MEIS2: variants seen among roughly 807,000 people sequenced by gnomAD.
MEIS2 encodes the protein homeobox protein Meis2.
Under a neutral mutation model 58.6 loss-of-function variants are expected in MEIS2, and 9 were observed. That is an observed-to-expected ratio of 0.15 (90% CI 0.09 to 0.27). The LOEUF (loss-of-function observed/expected upper bound fraction) is 0.27, where lower values mean the gene tolerates loss of function less well. Among genes scored for constraint, MEIS2 ranks in the 10% least tolerant of loss-of-function variants. The pLI is 1.00. For missense variants in MEIS2, 427 were observed against 635.0 expected, an observed-to-expected ratio of 0.67 and a Z score of 3.52; for synonymous variants, 221 against 228.4, an observed-to-expected ratio of 0.97 and a Z score of 0.29.
At chr15:36,994,632 A>G (rs1187607221) in intron 8 of MEIS2, among the ~76,000 whole-genome samples, 2 of 152,234 alleles carry the variant, frequency 1.3e-5, no homozygotes, top group East Asian at 3.8e-4. Context: ...ATTATATTAT[A>G]TCAAAAATCC....
At chr15:36,991,783 C>CT (rs11285545) in intron 8 of MEIS2, among the ~76,000 whole-genome samples, 14,127 of 49,918 alleles carry the variant, frequency 0.28, 3,051 homozygotes, top group Non-Finnish European at 0.33. Flanking sequence ...TTTTTTTTTT[C>CT]TTTTTTTTTT....
intron 9 of MEIS2, among the ~76,000 whole-genome samples, chr15:36,919,593 AAT>A (rs1323262392): frequency 3.3e-5 from 5 of 150,850 alleles, no homozygotes; most frequent in Admixed American, 2.0e-4. Context: ...AAAAAAAAAA[AAT>A]TGGAAACAGT....
chr15:37,096,469 C>A, intron 2 of MEIS2, 39 bp from the exon 3 acceptor site: 1 of 1,600,668 alleles, frequency 6.2e-7, no homozygotes, highest in Non-Finnish European at 8.5e-7. Flanking sequence ...CACACAGAGA[C>A]GGGGTGCAGA....
At chr15:36,895,375 C>A in intron 10 of MEIS2, 114 bp from the exon 11 acceptor site, 1 of 832,282 alleles carries the variant, frequency 1.2e-6, no homozygotes. Flanking sequence ...GGTTGGCACT[C>A]TACAAATGGG....
intron 9 of MEIS2, among the ~76,000 whole-genome samples, chr15:36,916,031 T>A (rs2057260251): frequency 6.6e-6 from 1 of 152,194 alleles, no homozygotes; most frequent in African/African-American, 2.4e-5. Context: ...TGGTAGCTAA[T>A]GTATATTTTA....
chr15:36,894,551 G>A (rs1234107973), intron 11 of MEIS2: 1 of 529,206 alleles, frequency 1.9e-6, no homozygotes, highest in East Asian at 3.6e-5. Flanking sequence ...GCACATCAGT[G>A]TCATCTGTGA....
intron 7 of MEIS2, among the ~76,000 whole-genome samples, chr15:37,058,004 G>A (rs990399865): frequency 2.6e-5 from 4 of 152,138 alleles, no homozygotes; most frequent in South Asian, 2.1e-4. Flanking sequence ...CACATGTACC[G>A]GGGATCAATG....
intron 9 of MEIS2, among the ~76,000 whole-genome samples, chr15:36,928,002 A>G (rs1443255427): frequency 6.6e-6 from 1 of 152,184 alleles, no homozygotes; most frequent in Non-Finnish European, 1.5e-5. Flanking sequence ...TTTCATGACC[A>G]TTTTGCTGTG....
In MEIS2 at chr15:37,099,599, G is replaced by A. The variant is rs1439989340; in HGVS notation, c.-133C>T. ...GAGACTTCTCCCAATTCTCCAATAT[G>A]CTATTTTTTAGGGGGGAAAAAAAGC... On this transcript the variant is annotated 5_prime_UTR_variant, in exon 1 of 12. Coordinates refer to ENST00000561208, the MANE Select transcript of MEIS2 (RefSeq NM_170675.5). 12 of 1,321,210 alleles carry A rather than the reference G, an allele frequency of 9.1e-6. No homozygotes were observed. The highest frequency in any genetic ancestry group is 3.1e-5 in the South Asian group (2 of 64,804). 81.8% of individuals were successfully genotyped at this position (1,321,210 alleles called of 1,614,324 possible).
chr15:37,055,060 T>C (rs2063081334), intron 7 of MEIS2, among the ~76,000 whole-genome samples: 1 of 152,160 alleles, frequency 6.6e-6, no homozygotes, highest in Non-Finnish European at 1.5e-5. Flanking sequence ...GTGGAGCAAT[T>C]TGCCCAAGGT....
At chr15:36,949,243 A>G (rs924240919) in intron 9 of MEIS2, among the ~76,000 whole-genome samples, 1 of 151,904 alleles carries the variant, frequency 6.6e-6, no homozygotes, top group Admixed American at 6.6e-5. Context: ...CAAACTGGCT[A>G]ATTCTCCAAG....
intron 8 of MEIS2, among the ~76,000 whole-genome samples, chr15:37,012,707 G>T (rs551360143): frequency 5.3e-5 from 8 of 152,240 alleles, no homozygotes; most frequent in African/African-American, 1.9e-4. Context: ...TGCTAGTTAA[G>T]ATTGCCCTAA....
chr15:37,066,884 T>A (rs1240725727), intron 7 of MEIS2, among the ~76,000 whole-genome samples: 1 of 150,826 alleles, frequency 6.6e-6, no homozygotes, highest in Non-Finnish European at 1.5e-5. Context: ...GATCAAGGGA[T>A]CCTCCTGCCT....
rs2055815458 is a variant in MEIS2 at position 36,890,838 on chromosome 15, A to T, written c.*1335T>A. On this transcript the variant is annotated 3_prime_UTR_variant, in exon 12 of 12. Coordinates refer to ENST00000561208, the MANE Select transcript of MEIS2 (RefSeq NM_170675.5). ...CATGTACACATAGTTTCGTACCTTT[A>T]GAAGTTTTCTGCTGGTGGAACTTAT... The T allele has an allele frequency of 6.6e-6, 1 of 152,208 alleles. No individual in the cohort carries two copies. The highest frequency in any genetic ancestry group is 1.5e-5 in the Non-Finnish European group (1 of 68,028). The allele number at this position is 152,208 out of a possible 1,614,324, so 9.4% of individuals were successfully genotyped here. A position where few individuals can be genotyped will look rare whatever the true frequency, so the allele number is the denominator to read the frequency against.
intron 9 of MEIS2, among the ~76,000 whole-genome samples, chr15:36,927,120 T>C (rs1344653407): frequency 1.3e-5 from 2 of 152,198 alleles, no homozygotes; most frequent in Admixed American, 6.5e-5. Context: ...AGGTGCTTCC[T>C]CTTCTACATG....
At chr15:37,031,815 TTGTGTG>T (rs66770353) in intron 8 of MEIS2, among the ~76,000 whole-genome samples, 1,822 of 134,196 alleles carry the variant, frequency 0.014, 33 homozygotes, top group African/African-American at 0.043. Context: ...TTACATCACT[TTGTGTG>T]TGTGTGTGTG....
intron 8 of MEIS2, among the ~76,000 whole-genome samples, chr15:37,009,327 T>C (rs1448724805): frequency 6.6e-6 from 1 of 152,182 alleles, no homozygotes; most frequent in Non-Finnish European, 1.5e-5. Flanking sequence ...AGATGTCAAC[T>C]TGAGCATAAA....
At chr15:37,064,573 A>G (rs976993439) in intron 7 of MEIS2, among the ~76,000 whole-genome samples, 1 of 152,200 alleles carries the variant, frequency 6.6e-6, no homozygotes, top group African/African-American at 2.4e-5. Context: ...TGCAAAATGG[A>G]ATACTATTTT....
chr15:36,953,295 C>G (rs1194767), intron 8 of MEIS2, among the ~76,000 whole-genome samples: 5 of 152,194 alleles, frequency 3.3e-5, no homozygotes, highest in African/African-American at 1.2e-4. Flanking sequence ...AACAGACATC[C>G]TATTGAAATA....
Sources: allele counts gnomAD v4.1 joint callset (sites outside exome capture counted in the v4.1 genomes callset), GRCh38; gene constraint gnomAD v4.1.1; transcripts MANE v1.5; gene names NCBI Gene and HGNC (gene_info 2026-07-23, HGNC 2026-07-21).